NRXN3: variants seen among roughly 807,000 people sequenced by gnomAD.
NRXN3 encodes neurexin III.
In NRXN3, 32 loss-of-function variants were observed where a neutral mutation model predicts 137.6. The observed-to-expected ratio is 0.23, with a 90% confidence interval of 0.18 to 0.31. The LOEUF is 0.31. NRXN3 is among the 10% of genes least tolerant of loss of function. The pLI is 1.00. For missense variants in NRXN3, 1,574 were observed against 2,062.5 expected, an observed-to-expected ratio of 0.76 and a Z score of 4.59; for synonymous variants, 798 against 784.5, an observed-to-expected ratio of 1.02 and a Z score of -0.29.
At chr14:79,363,931 C>T (rs73325792) in intron 15 of NRXN3, among the ~76,000 whole-genome samples, 3,510 of 152,222 alleles carry the variant, frequency 0.023, 134 homozygotes, top group African/African-American at 0.08. Flanking sequence ...ATATGGTGAG[C>T]TAGCACCTAT....
chr14:78,683,064 G>A (rs1478216242), intron 6 of NRXN3, among the ~76,000 whole-genome samples: 1 of 152,126 alleles, frequency 6.6e-6, no homozygotes, highest in East Asian at 1.9e-4. Flanking sequence ...GAATTGAGGT[G>A]TGTTTTACGT....
chr14:78,552,592 G>A (rs1293792738), intron 4 of NRXN3, among the ~76,000 whole-genome samples: 1 of 152,188 alleles, frequency 6.6e-6, no homozygotes, highest in African/African-American at 2.4e-5. Context: ...CTGGAGCCCA[G>A]GAGTTTGAGG....
intron 15 of NRXN3, among the ~76,000 whole-genome samples, chr14:79,264,599 G>A (rs553700784): frequency 1.5e-4 from 23 of 151,190 alleles, no homozygotes; most frequent in African/African-American, 4.1e-4. Flanking sequence ...GTGTTTCTTT[G>A]CCTTCTTATA....
intron 15 of NRXN3, among the ~76,000 whole-genome samples, chr14:79,080,957 C>A (rs2046875488): frequency 6.6e-6 from 1 of 152,152 alleles, no homozygotes; most frequent in Non-Finnish European, 1.5e-5. Context: ...TATCCCTCCC[C>A]CATTAACTTT....
At chr14:79,480,789 G>C (rs2096600359) in intron 16 of NRXN3, among the ~76,000 whole-genome samples, 2 of 152,032 alleles carry the variant, frequency 1.3e-5, no homozygotes. Context: ...AGATCTGGTT[G>C]TGTAAAAGTG....
intron 20 of NRXN3, among the ~76,000 whole-genome samples, chr14:79,852,945 G>GA (rs966495269): frequency 6.6e-6 from 1 of 151,644 alleles, no homozygotes; most frequent in African/African-American, 2.4e-5. Context: ...AAAATTATGA[G>GA]AAAAAAAGTT....
rs141570421 is a variant in NRXN3, at chr14:79,657,155, G to A, written c.3445-6623G>A. On this transcript the variant is annotated intron_variant, in intron 16 of 20. Transcript: ENST00000335750. ...TCTTAATAAGTACTATTTAACACAAGTATTACTGTTGCTCTTGTCTTCGTT... is the reference window on the plus strand; with the variant it reads ...TCTTAATAAGTACTATTTAACACAAATATTACTGTTGCTCTTGTCTTCGTT... 1.6e-3 allele frequency among the ~76,000 whole-genome samples: 244 copies of A among 152,262 alleles called. 3 individuals carry two copies. The highest frequency in any genetic ancestry group is 5.4e-3 in the African/African-American group (223 of 41,550).
chr14:79,285,004 A>G (rs2082012889), intron 15 of NRXN3, among the ~76,000 whole-genome samples: 1 of 152,046 alleles, frequency 6.6e-6, no homozygotes, highest in Non-Finnish European at 1.5e-5. Context: ...TTCTTCTTTA[A>G]AATTCACTGG....
intron 4 of NRXN3, among the ~76,000 whole-genome samples, chr14:78,416,969 G>T (rs1323410105): frequency 6.6e-6 from 1 of 152,168 alleles, no homozygotes; most frequent in Non-Finnish European, 1.5e-5. Flanking sequence ...CAGATATAAG[G>T]ACTGGACAGA....
At position 79,458,616 on chromosome 14, in the gene NRXN3, A is replaced by G. The variant is rs182399099; in HGVS notation, c.3263-8605A>G. On this transcript the variant is annotated intron_variant, in intron 15 of 20. Coordinates refer to ENST00000335750, the MANE Select transcript of NRXN3 (RefSeq NM_001330195.2). ...TTCCAGGAGCTCGTAGTAGAGAAGC[A>G]TTCTGGATTTCCATTTTGTTTGACA... Among the ~76,000 whole-genome samples, 979 of 152,284 alleles carry G rather than the reference A, an allele frequency of 6.4e-3. 8 individuals are homozygous for G. The highest frequency in any genetic ancestry group is 0.022 in the African/African-American group (906 of 41,580).
At chr14:78,427,813 A>G (rs1170434818) in intron 4 of NRXN3, among the ~76,000 whole-genome samples, 1 of 152,232 alleles carries the variant, frequency 6.6e-6, no homozygotes, top group East Asian at 1.9e-4. Flanking sequence ...TGAAAGAAAG[A>G]TAATACATCT....
chr14:79,845,605 A>G (rs567891902), intron 20 of NRXN3, among the ~76,000 whole-genome samples: 13 of 138,542 alleles, frequency 9.4e-5, no homozygotes, highest in African/African-American at 2.1e-4. Context: ...AGAGAGAGAC[A>G]GAGAGAGAGA....
At chr14:79,256,540 C>G (rs1038269217) in intron 15 of NRXN3, among the ~76,000 whole-genome samples, 3 of 152,238 alleles carry the variant, frequency 2.0e-5, no homozygotes, top group Non-Finnish European at 2.9e-5. Context: ...TTTGAGCCCC[C>G]CAAAGAGAGA....
chr14:79,827,175 CGTT>C (rs956893925), intron 20 of NRXN3, among the ~76,000 whole-genome samples: 1 of 151,956 alleles, frequency 6.6e-6, no homozygotes, highest in Non-Finnish European at 1.5e-5. Flanking sequence ...TGATGACAAA[CGTT>C]GATGAAGGCT....
chr14:78,210,507 A>G (rs1419889285), intron 1 of NRXN3, among the ~76,000 whole-genome samples: 1 of 152,226 alleles, frequency 6.6e-6, no homozygotes, highest in Non-Finnish European at 1.5e-5. Flanking sequence ...TAGGTTTCCA[A>G]AAATTTGTTT....
At chr14:79,161,262 T>C (rs1322903780) in intron 15 of NRXN3, among the ~76,000 whole-genome samples, 1 of 151,922 alleles carries the variant, frequency 6.6e-6, no homozygotes, top group Non-Finnish European at 1.5e-5. Flanking sequence ...TACTCATCTG[T>C]GACGTCTAAT....
In NRXN3 at chr14:79,866,326, G is replaced by A. The variant is rs2099418060; in HGVS notation, c.*4362G>A. The stretch of plus-strand genomic sequence containing the variant: ...CCTTGGGAGCTTATCATCTAGTAAA[G>A]ATGAACAAAAAATGGTACTATAGTG... On this transcript the variant is annotated 3_prime_UTR_variant, in exon 21 of 21. Coordinates refer to ENST00000335750, the MANE Select transcript of NRXN3 (RefSeq NM_001330195.2). The A allele has an allele frequency of 6.6e-6, 1 of 152,036 alleles. No homozygotes were observed. The highest frequency in any genetic ancestry group is 6.5e-5 in the Admixed American group (1 of 15,268). 9.4% of individuals were successfully genotyped at this position (152,036 alleles called of 1,614,324 possible). A position where few individuals can be genotyped will look rare whatever the true frequency, so the allele number is the denominator to read the frequency against.
intron 15 of NRXN3, among the ~76,000 whole-genome samples, chr14:79,330,895 G>A (rs558800530): frequency 6.6e-6 from 1 of 152,224 alleles, no homozygotes; most frequent in East Asian, 1.9e-4. Context: ...TGTTTATAGT[G>A]TAGATCCCCT....
At chr14:79,603,340 C>T (rs74700007) in intron 16 of NRXN3, among the ~76,000 whole-genome samples, 8,655 of 152,260 alleles carry the variant, frequency 0.057, 256 homozygotes, top group East Asian at 0.082. Context: ...TCTACTTCAT[C>T]GCCTCCTGCA....
Sources: allele counts gnomAD v4.1 joint callset (sites outside exome capture counted in the v4.1 genomes callset), GRCh38; gene constraint gnomAD v4.1.1; transcripts MANE v1.5; gene names NCBI Gene and HGNC (gene_info 2026-07-23, HGNC 2026-07-21).